SLC25A19: variants seen among roughly 807,000 people sequenced by gnomAD.
The protein encoded by SLC25A19 is solute carrier family 25 member 19.
Under a neutral mutation model 27.9 loss-of-function variants are expected in SLC25A19, and 18 were observed. That is an observed-to-expected ratio of 0.64 (90% CI 0.45 to 0.96). The LOEUF (loss-of-function observed/expected upper bound fraction) is 0.96. Ranked by LOEUF, SLC25A19 falls within the 40% of genes least tolerant of loss-of-function variation. SLC25A19 has a pLI of 0.00. For synonymous variants in SLC25A19, 169 were observed against 167.1 expected (o/e 1.01, Z -0.09); for missense variants, 371 against 418.3 (o/e 0.89, Z 0.99).
At chr17:75,279,604 G>A (rs2077984782) in intron 5 of SLC25A19, among the ~76,000 whole-genome samples, 1 of 150,296 alleles carries the variant, frequency 6.7e-6, no homozygotes, top group East Asian at 2.0e-4. Flanking sequence ...CACCTCCCAG[G>A]TTCAAGCGAT....
At chr17:75,278,680 C>T (rs1256016766) in intron 5 of SLC25A19, among the ~76,000 whole-genome samples, 1 of 152,118 alleles carries the variant, frequency 6.6e-6, no homozygotes, top group Admixed American at 6.6e-5. Flanking sequence ...AATAGTGCAG[C>T]TGTTAAAACA....
intron 4 of SLC25A19, among the ~76,000 whole-genome samples, chr17:75,284,446 A>T (rs957645159): frequency 1.3e-5 from 2 of 152,008 alleles, no homozygotes; most frequent in African/African-American, 4.8e-5. Context: ...TATATCAGAA[A>T]ATGTCACTGG....
At chr17:75,287,389 G>A (rs532972938) in intron 2 of SLC25A19, 72 of 154,600 alleles carry the variant, frequency 4.7e-4, no homozygotes, top group African/African-American at 1.7e-3. Context: ...ACATGCATGA[G>A]CCACAGCGCC....
At chr17:75,288,439 C>T (rs1424666617) in intron 2 of SLC25A19, 63 bp downstream of exon 2, 1 of 152,132 alleles carries the variant, frequency 6.6e-6, no homozygotes, top group African/African-American at 2.4e-5. Context: ...AAAAGCATCC[C>T]TTCCAGGAGA....
intron 7 of SLC25A19, among the ~76,000 whole-genome samples, chr17:75,274,576 T>C (rs2077815945): frequency 6.6e-6 from 1 of 152,170 alleles, no homozygotes; most frequent in Admixed American, 6.5e-5. Flanking sequence ...TGGATTACAC[T>C]AGTCTTTGTT....
At chr17:75,277,263 T>C in intron 7 of SLC25A19, 90 bp downstream of exon 7, 1 of 1,552,402 alleles carries the variant, frequency 6.4e-7, no homozygotes, top group Non-Finnish European at 8.8e-7. Context: ...GGGGTGATGT[T>C]GCCCAATGGG....
rs2077788201 is a variant in SLC25A19, at chr17:75,273,730, C to A, written c.775-91G>T. 7.1e-6 allele frequency: 9 copies of A among 1,260,476 alleles called. No individual in the cohort carries two copies. In the East Asian group the frequency reaches 2.1e-4, roughly 29 times the overall value. 78.1% of individuals were successfully genotyped at this position (1,260,476 alleles called of 1,614,324 possible). Reference sequence around the variant, plus strand: ...CATCACAGATCTTAAGAAGTACTTGCTGGACAAAGAAATGAATGCAAAATA... The same window carrying A: ...CATCACAGATCTTAAGAAGTACTTGATGGACAAAGAAATGAATGCAAAATA... On this transcript the variant is annotated intron_variant, in intron 7 of 7. Coordinates refer to ENST00000416858, the MANE Select transcript of SLC25A19 (RefSeq NM_001126121.2).
intron 4 of SLC25A19, 40 bp from the exon 5 acceptor site, chr17:75,283,633 A>G (rs1377510911): frequency 6.3e-7 from 1 of 1,596,856 alleles, no homozygotes; most frequent in East Asian, 2.2e-5. Flanking sequence ...AGCCCAAAGG[A>G]TGAGGGTGAG....
At chr17:75,288,811 C>T (rs1168937540) in intron 1 of SLC25A19, among the ~76,000 whole-genome samples, 1 of 152,148 alleles carries the variant, frequency 6.6e-6, no homozygotes, top group African/African-American at 2.4e-5. Context: ...TCCTCTCACC[C>T]ACCCTGGAAC....
chr17:75,273,724 T>A, intron 7 of SLC25A19, 85 bp from the exon 8 acceptor site: 1 of 1,289,506 alleles, frequency 7.8e-7, no homozygotes, highest in East Asian at 2.3e-5. Flanking sequence ...TCTTAAGAAG[T>A]ACTTGCTGGA....
In SLC25A19 at chr17:75,286,663, AC is replaced by A; in HGVS notation, c.101del (p.Ser34IlefsTer57). On this transcript the variant is annotated frameshift_variant, in exon 3 of 8. Coordinates refer to ENST00000416858, the MANE Select transcript of SLC25A19 (RefSeq NM_001126121.2). LOFTEE classifies it high-confidence loss of function. The part of the protein sequence containing the change: ...VSGLVTRALI[S>X]PFDVIKIRFQ... ...AACGGATCTTGATGACGTCGAAGGG[AC>A]TGATCAGCGCCCGAGTAACAAGTCC... 1 of 1,614,140 alleles carries A rather than the reference AC, an allele frequency of 6.2e-7. No homozygotes were observed. The highest frequency in any genetic ancestry group is 8.5e-7 in the Non-Finnish European group (1 of 1,180,036).
chr17:75,283,081 T>C (rs543899787), intron 5 of SLC25A19, among the ~76,000 whole-genome samples: 2 of 150,776 alleles, frequency 1.3e-5, no homozygotes, highest in South Asian at 2.1e-4. Context: ...GGGCGGATCG[T>C]GAGGTCAGGA....
chr17:75,285,408 C>T (rs546722457), intron 4 of SLC25A19, among the ~76,000 whole-genome samples: 8 of 152,328 alleles, frequency 5.3e-5, no homozygotes, highest in African/African-American at 1.9e-4. Flanking sequence ...CCACTGAGTC[C>T]AGCCCACGCC....
chr17:75,283,009 TA>T (rs970883411), intron 5 of SLC25A19, among the ~76,000 whole-genome samples: 1 of 108,072 alleles, frequency 9.3e-6, no homozygotes, highest in Admixed American at 9.3e-5. Flanking sequence ...AATAAATAAA[TA>T]AAAAATAGGC....
At chr17:75,287,881 C>T (rs769081647) in intron 2 of SLC25A19, among the ~76,000 whole-genome samples, 1 of 152,218 alleles carries the variant, frequency 6.6e-6, no homozygotes, top group African/African-American at 2.4e-5. Flanking sequence ...CCGTGGCTCA[C>T]GCCTGTAATC....
intron 4 of SLC25A19, among the ~76,000 whole-genome samples, chr17:75,284,074 C>T (rs2078122948): frequency 6.6e-6 from 1 of 151,038 alleles, no homozygotes; most frequent in South Asian, 2.1e-4. Context: ...GATCATGCCA[C>T]TGCGCTCTCC....
intron 1 of SLC25A19, chr17:75,288,918 T>C (rs562547707): frequency 6.6e-6 from 1 of 152,372 alleles, no homozygotes; most frequent in African/African-American, 2.4e-5. Flanking sequence ...CAGGTCACAC[T>C]GAGCAGCGTG....
Position 75,277,393 on chromosome 17 carries a change from TGTAG to T in SLC25A19, c.730_733del (p.Leu244ArgfsTer46), listed in dbSNP as rs770161712. The T allele has an allele frequency of 6.2e-7, 1 of 1,614,024 alleles. No homozygotes were observed. Among genetic ancestry groups the T allele is most frequent in the Admixed American group, 1.7e-5 (1 of 60,010 alleles). On this transcript the variant is annotated frameshift_variant, in exon 7 of 8. Transcript: ENST00000416858. LOFTEE classifies it high-confidence loss of function. The stretch of plus-strand genomic sequence containing the variant: ...TCTGGCATGCTCAAACCCTCCAACC[TGTAG>T]CCGCTTCTTGAAGAGGTCCAGCGGA...
At chr17:75,286,536 C>G (rs1567843667) in intron 3 of SLC25A19, 77 bp from the exon 4 acceptor site, 9 of 1,613,532 alleles carry the variant, frequency 5.6e-6, no homozygotes, top group Non-Finnish European at 7.6e-6. Flanking sequence ...AAAGGCAAGC[C>G]CTTCATCTGG....
Sources: gnomAD v4.1 joint callset for allele counts (sites outside exome capture counted in the v4.1 genomes callset) on GRCh38, gnomAD v4.1.1 for gene constraint, MANE v1.5 for transcripts, NCBI Gene and HGNC (gene_info 2026-07-23, HGNC 2026-07-21) for gene names.